Variants in CEP164 observed in about 807,000 individuals in gnomAD.
CEP164 encodes centrosomal protein of 164 kDa.
Under a neutral mutation model 182.7 loss-of-function variants are expected in CEP164, and 162 were observed. The observed-to-expected ratio is 0.89, with a 90% CI of 0.78 to 1.01. The LOEUF (loss-of-function observed/expected upper bound fraction) is 1.01. CEP164 is among the 50% of genes least tolerant of loss of function. The pLI, the probability that CEP164 is intolerant of heterozygous loss-of-function variation, is 0.00. For missense variants in CEP164, 1,735 were observed against 1,790.4 expected (o/e 0.97, Z 0.56); for synonymous variants, 661 against 690.0 (o/e 0.96, Z 0.66).
chr11:117,349,308 T>C (rs1253070990), intron 4 of CEP164, among the ~76,000 whole-genome samples: 1 of 152,100 alleles, frequency 6.6e-6, no homozygotes, highest in Non-Finnish European at 1.5e-5. Context: ...CCCAGCCCTG[T>C]TTATCAATTT....
intron 3 of CEP164, among the ~76,000 whole-genome samples, chr11:117,339,734 T>C (rs2037813855): frequency 6.6e-6 from 1 of 151,882 alleles, no homozygotes; most frequent in Non-Finnish European, 1.5e-5. Context: ...GGTTTTGCAG[T>C]GTTGGCCAGG....
chr11:117,369,839 ACTAGTCTTTAAAGTGAGGTTTGTATGT>A (rs1454971489), intron 8 of CEP164, among the ~76,000 whole-genome samples: 11 of 152,176 alleles, frequency 7.2e-5, no homozygotes, highest in Non-Finnish European at 1.6e-4. Flanking sequence ...TTGGGTTTTT[ACTAGTCTTTAAAGTGAGGTTTGTATGT>A]GAGGAGCAGG....
intron 3 of CEP164, among the ~76,000 whole-genome samples, chr11:117,341,019 G>A (rs2038036067): frequency 6.6e-6 from 1 of 152,042 alleles, no homozygotes; most frequent in Admixed American, 6.5e-5. Flanking sequence ...CAGAGACAGG[G>A]TTTCACCATA....
intron 12 of CEP164, 133 bp from the exon 13 acceptor site, chr11:117,381,568 T>G: frequency 1.9e-6 from 2 of 1,075,326 alleles, no homozygotes; most frequent in South Asian, 1.7e-5. Flanking sequence ...TCTCCATGGA[T>G]GGATGTGGGG....
chr11:117,364,450 G>C (rs911032649), intron 8 of CEP164, among the ~76,000 whole-genome samples: 1 of 152,112 alleles, frequency 6.6e-6, no homozygotes, highest in African/African-American at 2.4e-5. Flanking sequence ...TTTACCTTAA[G>C]AGCCAGGATT....
chr11:117,393,835 T>C (rs978503856), intron 20 of CEP164, among the ~76,000 whole-genome samples: 11 of 152,172 alleles, frequency 7.2e-5, no homozygotes, highest in African/African-American at 1.9e-4. Flanking sequence ...CTTGCTCACA[T>C]TGAGGGTGAA....
intron 3 of CEP164, among the ~76,000 whole-genome samples, chr11:117,343,671 C>T (rs370495646): frequency 1.4e-5 from 2 of 144,560 alleles, no homozygotes; most frequent in African/African-American, 5.2e-5. Flanking sequence ...GCTCTCATTG[C>T]CCAGGCTGGA....
intron 3 of CEP164, among the ~76,000 whole-genome samples, chr11:117,341,685 A>G (rs1397059456): frequency 6.6e-6 from 1 of 151,298 alleles, no homozygotes; most frequent in African/African-American, 2.4e-5. Context: ...GGCTCAAGCA[A>G]TCCACCCACC....
At chr11:117,362,607 TTGCTG>T in intron 7 of CEP164, 69 bp downstream of exon 7, 1 of 1,531,212 alleles carries the variant, frequency 6.5e-7, no homozygotes, top group Admixed American at 2.0e-5. Flanking sequence ...GAAAATGTTT[TTGCTG>T]TGATAGAAAA....
intron 1 of CEP164, among the ~76,000 whole-genome samples, chr11:117,329,657 T>G (rs1280907562): frequency 6.6e-6 from 1 of 152,156 alleles, no homozygotes; most frequent in Non-Finnish European, 1.5e-5. Context: ...TTCTCCTGCC[T>G]CAGCTTCCCG....
chr11:117,348,873 A>T (rs1266615412), intron 4 of CEP164, among the ~76,000 whole-genome samples: 1 of 152,220 alleles, frequency 6.6e-6, no homozygotes, highest in East Asian at 1.9e-4. Context: ...GGTACTTCAT[A>T]TAAGTGGAAT....
chr11:117,335,083 A>G (rs912424625), intron 1 of CEP164, among the ~76,000 whole-genome samples: 1 of 152,134 alleles, frequency 6.6e-6, no homozygotes, highest in Non-Finnish European at 1.5e-5. Flanking sequence ...TTAAAGATTC[A>G]GGTGACTCTG....
chr11:117,357,863 C>T (rs955292144), intron 5 of CEP164, among the ~76,000 whole-genome samples: 9 of 152,186 alleles, frequency 5.9e-5, no homozygotes, highest in Non-Finnish European at 1.2e-4. Context: ...ATATTTGTGA[C>T]GTCACTCTTG....
At position 117,410,853 on chromosome 11, in the gene CEP164, C is replaced by T. The variant is rs1383872956; in HGVS notation, c.4122C>T (p.Ser1374=). Residue 1374 remains serine, a synonymous_variant, in exon 31 of 33, where the codon AGC becomes AGT. Coordinates refer to ENST00000278935, the MANE Select transcript of CEP164 (RefSeq NM_014956.5). ...FPSGIPLLSN[S]PTPLESRLGY... is the part of the protein sequence containing the mutation. The stretch of plus-strand genomic sequence containing the variant: ...CTGGCATCCCGCTGCTCAGCAACAG[C>T]CCCACCCCGCTGGAGAGCAGGCTGG... 6.2e-7 allele frequency: 1 copy of T among 1,613,082 alleles called. No homozygotes were observed. The highest frequency in any genetic ancestry group is 8.5e-7 in the Non-Finnish European group (1 of 1,179,656).
chr11:117,396,651 C>A, intron 26 of CEP164, 40 bp downstream of exon 26: 1 of 1,501,180 alleles, frequency 6.7e-7, no homozygotes, highest in Non-Finnish European at 9.3e-7. Context: ...GTTAGGGTAC[C>A]ATGAAGGGGT....
chr11:117,363,816 G>C, intron 8 of CEP164: 1 of 178,460 alleles, frequency 5.6e-6, no homozygotes, highest in East Asian at 1.3e-4. Flanking sequence ...CTTTTGCCCA[G>C]CTTGGAGTAC....
rs140420021 is a variant in CEP164 at position 117,401,290 on chromosome 11, T to C, written c.3501+3977T>C. Reference sequence around the variant, plus strand: ...TTCTGTTTATGTGATGGATTGTGTTTATTGATTTACGTATGTTGAACCAGC... The same window carrying C: ...TTCTGTTTATGTGATGGATTGTGTTCATTGATTTACGTATGTTGAACCAGC... On this transcript the variant is annotated intron_variant, in intron 27 of 32. Transcript: ENST00000278935. Among the ~76,000 whole-genome samples the C allele has an allele frequency of 2.4e-3, 370 of 152,346 alleles. 13 individuals carry two copies. The South Asian group carries it at 0.048, about 20-fold the overall frequency.
chr11:117,363,366 A>G (rs1194855976), intron 7 of CEP164, 63 bp from the exon 8 acceptor site: 1 of 1,239,778 alleles, frequency 8.1e-7, no homozygotes, highest in Non-Finnish European at 1.2e-6. Flanking sequence ...CCCTCTGCAC[A>G]CCCCTCACCC....
At chr11:117,355,600 T>G in intron 5 of CEP164, 2 of 1,201,044 alleles carry the variant, frequency 1.7e-6, no homozygotes, top group East Asian at 5.8e-5. Context: ...ACATGTTGCC[T>G]GCCAGGAAGA....
Sources: allele counts gnomAD v4.1 joint callset (sites outside exome capture counted in the v4.1 genomes callset), GRCh38; gene constraint gnomAD v4.1.1; transcripts MANE v1.5; gene names NCBI Gene and HGNC (gene_info 2026-07-23, HGNC 2026-07-21).